The following TEPSIN variants were observed in gnomAD, a reference collection of about 807,000 sequenced individuals.
TEPSIN encodes AP-4 complex accessory subunit tepsin.
TEPSIN carries 50 observed loss-of-function variants against 48.5 expected under a neutral mutation model. That is an observed-to-expected ratio of 1.03 (90% confidence interval 0.82 to 1.31). The LOEUF is 1.31. TEPSIN is among the 50% of genes most tolerant of loss of function. The pLI is 0.00. For synonymous variants in TEPSIN, 392 were observed against 358.8 expected, an observed-to-expected ratio of 1.09 and a Z score of -1.05; for missense variants, 838 against 815.9, an observed-to-expected ratio of 1.03 and a Z score of -0.33.
chr17:81,236,646 C>T (rs540905734), intron 4 of TEPSIN, 62 bp downstream of exon 4: 110 of 1,485,438 alleles, frequency 7.4e-5, no homozygotes, highest in East Asian at 9.8e-5. Flanking sequence ...CTGGAGGATC[C>T]GCCACCCTCC....
chr17:81,238,676 C>T, intron 1 of TEPSIN: 7 of 1,193,412 alleles, frequency 5.9e-6, no homozygotes, highest in Non-Finnish European at 6.2e-6. Context: ...CCACGTCCAC[C>T]GGGTCCGCCG....
At chr17:81,236,653 C>G in intron 4 of TEPSIN, 55 bp downstream of exon 4, 2 of 1,510,680 alleles carry the variant, frequency 1.3e-6, no homozygotes, top group Non-Finnish European at 1.8e-6. Flanking sequence ...ATCCGCCACC[C>G]TCCCCCATTC....
At chr17:81,231,092 G>C in intron 11 of TEPSIN, 1 of 519,132 alleles carries the variant, frequency 1.9e-6, no homozygotes, top group Non-Finnish European at 3.4e-6. Flanking sequence ...CACACACACA[G>C]GCACATACAT....
intron 12 of TEPSIN, chr17:81,229,853 C>T (rs766539296): frequency 2.9e-5 from 8 of 278,838 alleles, no homozygotes; most frequent in Non-Finnish European, 4.8e-5. Flanking sequence ...CCAGCATGCC[C>T]GTTTTAGAAA....
Position 81,237,075 on chromosome 17 carries a change from CGGCACGCTCGGGTTAG to C in TEPSIN, c.122-20_122-5del. The C allele has an allele frequency of 1.3e-6, 2 of 1,581,314 alleles. No individual in the cohort carries two copies. The highest frequency in any genetic ancestry group is 8.6e-7 in the Non-Finnish European group (1 of 1,163,428). ...CCCGGAGACTCGTGGGAGATTTCTG[CGGCACGCTCGGGTTAG>C]GGAAGGGCGAGATGATGAGGGCTGC... is the stretch of plus-strand genomic sequence containing the variant. On this transcript the variant is annotated splice_polypyrimidine_tract_variant and splice_region_variant and intron_variant, in intron 2 of 12. Coordinates refer to ENST00000637944, the MANE Select transcript of TEPSIN (RefSeq NM_001363764.2).
intron 10 of TEPSIN, 35 bp downstream of exon 10, chr17:81,231,543 C>A (rs1276186831): frequency 1.9e-6 from 3 of 1,599,184 alleles, no homozygotes; most frequent in Non-Finnish European, 2.6e-6. Flanking sequence ...ACGGTTGGGG[C>A]TGAGGCAGAG....
intron 4 of TEPSIN, 142 bp downstream of exon 4, chr17:81,236,566 T>A: frequency 2.3e-6 from 2 of 883,500 alleles, no homozygotes; most frequent in Non-Finnish European, 3.5e-6. Context: ...TGGGCCAGGA[T>A]CAGCAAGGCG....
At chr17:81,236,922 C>T in intron 3 of TEPSIN, 58 bp downstream of exon 3, 2 of 1,536,318 alleles carry the variant, frequency 1.3e-6, no homozygotes, top group Non-Finnish European at 8.8e-7. Context: ...TCTGCTCCTC[C>T]ATCCTCACCA....
At chr17:81,232,782 G>T in intron 7 of TEPSIN, 1 of 461,510 alleles carries the variant, frequency 2.2e-6, no homozygotes, top group Non-Finnish European at 3.8e-6. Context: ...TGGGGGTGAA[G>T]GTGTCCTAAG....
At chr17:81,232,102 AG>A (rs1478683538) in intron 8 of TEPSIN, 81 bp from the exon 9 acceptor site, 1 of 1,509,156 alleles carries the variant, frequency 6.6e-7, no homozygotes, top group African/African-American at 1.4e-5. Flanking sequence ...CTGGACCAGG[AG>A]GCCTCGGGGG....
rs776307179 is a variant in TEPSIN, at chr17:81,230,088, C to T, written c.1233+456G>A. On this transcript the variant is annotated intron_variant, in intron 12 of 12. Coordinates refer to ENST00000637944, the MANE Select transcript of TEPSIN (RefSeq NM_001363764.2). The surrounding 1 kb of genome is among the most constrained non-coding windows in gnomAD (Gnocchi z 4.2). ...GCCTGGCGGCCGGGAGAGGCCTCCC[C>T]GTGTGATTCCAGTGGCCGCCAGGCA... 33 of 169,054 alleles carry T rather than the reference C, an allele frequency of 2.0e-4. 1 individual carries two copies. Among genetic ancestry groups the T allele is most frequent in the South Asian group, 7.9e-4 (5 of 6,368 alleles). 10.5% of individuals were successfully genotyped at this position (169,054 alleles called of 1,614,324 possible). A position where few individuals can be genotyped will look rare whatever the true frequency, so the allele number is the denominator to read the frequency against.
chr17:81,238,250 G>T, intron 1 of TEPSIN: 5 of 876,868 alleles, frequency 5.7e-6, no homozygotes, highest in Non-Finnish European at 6.8e-6. Context: ...ACGCCCTAAG[G>T]GGAGCTGCTG....
rs1598357451 is a variant in TEPSIN, at chr17:81,234,169, C to T, written c.308-121G>A. The T allele has an allele frequency of 2.5e-6, 2 of 813,792 alleles. No individual in the cohort carries two copies. The highest frequency in any genetic ancestry group is 1.9e-6 in the Non-Finnish European group (1 of 540,002). The allele number at this position is 813,792 out of a possible 1,614,324, so 50.4% of individuals were successfully genotyped here. A position where few individuals can be genotyped will look rare whatever the true frequency, so the allele number is the denominator to read the frequency against. On this transcript the variant is annotated intron_variant, in intron 4 of 12. Transcript: ENST00000637944. The surrounding 1 kb of genome is among the most constrained non-coding windows in gnomAD (Gnocchi z 5.4). ...GTTCCTGCCACCAAGGCCCTTCTGT[C>T]ACAGCCAATGGGATGCCCTCCTCCA...
At chr17:81,238,868 G>A in intron 1 of TEPSIN, 118 bp downstream of exon 1, 2 of 1,363,434 alleles carry the variant, frequency 1.5e-6, no homozygotes, top group East Asian at 6.2e-5. Flanking sequence ...AAGGGGCCAG[G>A]AGCAGCTACC....
In TEPSIN at chr17:81,232,309, C is replaced by T. The variant is rs989541574; in HGVS notation, c.730+6G>A. 17 of 1,519,952 alleles carry T rather than the reference C, an allele frequency of 1.1e-5. No individual in the cohort carries two copies. Among genetic ancestry groups the T allele is most frequent in the African/African-American group, 2.8e-5 (2 of 72,582 alleles). The allele number at this position is 1,519,952 out of a possible 1,614,324, so 94.2% of individuals were successfully genotyped here. On this transcript the variant is annotated splice_donor_region_variant and intron_variant, in intron 8 of 12. Coordinates refer to ENST00000637944, the MANE Select transcript of TEPSIN (RefSeq NM_001363764.2). ...ACCCCAAGGGGAGGAGCCCTCGCCT[C>T]GATACCTCGGGGACCTGGAATGGCC... is the stretch of plus-strand genomic sequence containing the variant.
At chr17:81,238,610 G>C (rs931393920) in intron 1 of TEPSIN, 1 of 1,109,666 alleles carries the variant, frequency 9.0e-7, no homozygotes, top group Non-Finnish European at 1.1e-6. Context: ...GCCACCGTCA[G>C]GGAGGACGGC....
In TEPSIN at chr17:81,234,320, C is replaced by A; in HGVS notation, c.308-272G>T. 1 of 347,604 alleles carries A rather than the reference C, an allele frequency of 2.9e-6. No individual in the cohort carries two copies. Among genetic ancestry groups the A allele is most frequent in the Non-Finnish European group, 5.2e-6 (1 of 192,930 alleles). 21.5% of individuals were successfully genotyped at this position (347,604 alleles called of 1,614,324 possible). A position where few individuals can be genotyped will look rare whatever the true frequency, so the allele number is the denominator to read the frequency against. On this transcript the variant is annotated intron_variant, in intron 4 of 12. Transcript: ENST00000637944. This position sits in a 1 kb window ranked among gnomAD's most constrained non-coding sequence, Gnocchi z 5.4. ...GGGTCGGCAACCCCTGGTGCCTGAG[C>A]GGGTGTGGCCTCCCCGAAGCCCACT...
At chr17:81,236,949 A>T in intron 3 of TEPSIN, 31 bp downstream of exon 3, 1 of 1,550,134 alleles carries the variant, frequency 6.5e-7, no homozygotes, top group Non-Finnish European at 8.7e-7. Flanking sequence ...GCCGGGCCTC[A>T]GGCCTGACCC....
In TEPSIN at chr17:81,233,322, AG is replaced by A; in HGVS notation, c.526+109del. Reference sequence around the variant, plus strand: ...AGGAAGGGTTGAGGCCATGTAGGGGAGGGGACGGGGGACAGCAGCTACTAGA... The same window carrying A: ...AGGAAGGGTTGAGGCCATGTAGGGGAGGGACGGGGGACAGCAGCTACTAGA... On this transcript the variant is annotated intron_variant, in intron 7 of 12. Coordinates refer to ENST00000637944, the MANE Select transcript of TEPSIN (RefSeq NM_001363764.2). This position sits in a 1 kb window ranked among gnomAD's most constrained non-coding sequence, Gnocchi z 5.8. 7.8e-7 allele frequency: 1 copy of A among 1,288,632 alleles called. No homozygotes were observed. The allele number at this position is 1,288,632 out of a possible 1,614,324, so 79.8% of individuals were successfully genotyped here.
Sources: allele counts gnomAD v4.1 joint callset, GRCh38; gene constraint gnomAD v4.1.1; non-coding constraint Gnocchi (gnomAD v3.1); transcripts MANE v1.5; gene names NCBI Gene and HGNC (gene_info 2026-07-23, HGNC 2026-07-21).